The following DPP10 variants were observed in gnomAD, a reference collection of about 807,000 sequenced individuals.
DPP10 encodes dipeptidyl peptidase like 10.
A neutral mutation model predicts 120.9 loss-of-function variants in DPP10; 33 were observed. That is an observed-to-expected ratio of 0.27 (90% CI 0.21 to 0.37). The LOEUF (loss-of-function observed/expected upper bound fraction) is 0.37. DPP10 is among the 10% of genes least tolerant of loss of function. The probability of loss-of-function intolerance (pLI) is 1.00; values close to 1 mark genes in which losing one functional copy is unlikely to be tolerated. For synonymous variants in DPP10, 337 were observed against 326.1 expected (o/e 1.03, Z -0.36); for missense variants, 816 against 942.8 (o/e 0.87, Z 1.76).
chr2:115,082,797 C>G (rs1013463791), intron 1 of DPP10, among the ~76,000 whole-genome samples: 3 of 152,150 alleles, frequency 2.0e-5, no homozygotes, highest in African/African-American at 7.2e-5. Context: ...AGACTAGAAC[C>G]ACTCAGTGAA....
At chr2:115,409,653 A>G (rs2068791782) in intron 3 of DPP10, among the ~76,000 whole-genome samples, 1 of 152,194 alleles carries the variant, frequency 6.6e-6, no homozygotes, top group East Asian at 1.9e-4. Flanking sequence ...CAGCAATCCC[A>G]CTATTGCATA....
At chr2:114,583,977 A>G (rs867144747) in intron 1 of DPP10, among the ~76,000 whole-genome samples, 17 of 152,220 alleles carry the variant, frequency 1.1e-4, no homozygotes, top group African/African-American at 4.1e-4. Flanking sequence ...GAGTGAACAC[A>G]CACATGTATG....
chr2:115,624,911 G>A (rs2085240603), intron 5 of DPP10, among the ~76,000 whole-genome samples: 1 of 152,034 alleles, frequency 6.6e-6, no homozygotes, highest in African/African-American at 2.4e-5. Context: ...GAAAAAAGTG[G>A]AACAGTTAGA....
At chr2:114,534,278 C>G (rs1010846088) in intron 1 of DPP10, among the ~76,000 whole-genome samples, 2 of 151,976 alleles carry the variant, frequency 1.3e-5, no homozygotes, top group African/African-American at 4.8e-5. Context: ...TCTATTTTCT[C>G]CTAGTTCCTC....
chr2:114,739,888 C>A (rs1221134398), intron 1 of DPP10, among the ~76,000 whole-genome samples: 2 of 152,034 alleles, frequency 1.3e-5, no homozygotes, highest in Non-Finnish European at 2.9e-5. Flanking sequence ...CAAAGTGGCT[C>A]AAAAGTGTAA....
At position 114,561,053 on chromosome 2, in the gene DPP10, C is replaced by A. The variant is rs546328779; in HGVS notation, c.60+118215C>A. On this transcript the variant is annotated intron_variant, in intron 1 of 25. Coordinates refer to ENST00000410059, the MANE Select transcript of DPP10 (RefSeq NM_020868.6). ...AGCTCTGAGGAGAGCCACAGCACCC[C>A]CTTTCTCCTGCCTGGGTGTCTCCTG... Among the ~76,000 whole-genome samples, 13 of 152,276 alleles carry A rather than the reference C, an allele frequency of 8.5e-5. No individual in the cohort carries two copies. The South Asian group carries it at 2.5e-3, about 29-fold the overall frequency.
chr2:114,640,248 G>A (rs182290607), intron 1 of DPP10, among the ~76,000 whole-genome samples: 15 of 152,010 alleles, frequency 9.9e-5, no homozygotes, highest in Admixed American at 5.9e-4. Context: ...TTGCTGAAGC[G>A]TGCTTGGCTG....
chr2:115,136,443 A>T (rs913727007), intron 1 of DPP10, among the ~76,000 whole-genome samples: 10 of 152,210 alleles, frequency 6.6e-5, no homozygotes, highest in African/African-American at 2.4e-4. Context: ...TCAACTGGTC[A>T]GATGTGGCTA....
chr2:115,684,446 A>G (rs2090857704), intron 5 of DPP10, among the ~76,000 whole-genome samples: 1 of 151,672 alleles, frequency 6.6e-6, no homozygotes, highest in African/African-American at 2.4e-5. Context: ...AACCAATCCC[A>G]TTTTGCCTGT....
chr2:115,492,303 A>G (rs1271415376), intron 3 of DPP10, among the ~76,000 whole-genome samples: 1 of 152,192 alleles, frequency 6.6e-6, no homozygotes, highest in East Asian at 1.9e-4. Context: ...TTGTCACAGA[A>G]AGTGAGCAGC....
chr2:115,374,468 C>T (rs749750364), intron 3 of DPP10, among the ~76,000 whole-genome samples: 3 of 152,254 alleles, frequency 2.0e-5, no homozygotes, highest in East Asian at 1.9e-4. Flanking sequence ...GTGCATGGTG[C>T]GTGCTGTTGG....
intron 8 of DPP10, among the ~76,000 whole-genome samples, chr2:115,735,525 AT>A (rs1029018823): frequency 8.0e-4 from 114 of 142,000 alleles, no homozygotes; most frequent in African/African-American, 1.2e-3. Context: ...ATCCTTTTCT[AT>A]TTTTTTTTTT....
chr2:115,209,794 G>C (rs997620718), intron 1 of DPP10, among the ~76,000 whole-genome samples: 1 of 152,060 alleles, frequency 6.6e-6, no homozygotes, highest in African/African-American at 2.4e-5. Flanking sequence ...ATCAGCTCTG[G>C]CAGAGACAAG....
chr2:115,808,921 A>C (rs1450498147), intron 19 of DPP10, among the ~76,000 whole-genome samples: 1 of 152,214 alleles, frequency 6.6e-6, no homozygotes, highest in East Asian at 1.9e-4. Context: ...TGGTAGCGGC[A>C]TGAACAACCT....
chr2:115,094,626 T>G (rs977071465), intron 1 of DPP10, among the ~76,000 whole-genome samples: 1 of 152,176 alleles, frequency 6.6e-6, no homozygotes, highest in African/African-American at 2.4e-5. Flanking sequence ...TTTGAAACAG[T>G]AGCTCCATGA....
rs376594952 is a variant in DPP10 at position 115,107,150 on chromosome 2, C to T, written c.61-202089C>T. On this transcript the variant is annotated intron_variant, in intron 1 of 25. Transcript: ENST00000410059. ...TAATGATGATCATCATAACTTCAACCACGGTATTTTTAAAAGAGATATTTA... is the reference window on the plus strand; with the variant it reads ...TAATGATGATCATCATAACTTCAACTACGGTATTTTTAAAAGAGATATTTA... Among the ~76,000 whole-genome samples the T allele has an allele frequency of 2.6e-5, 4 of 151,556 alleles. No homozygotes were observed. The East Asian group carries it at 7.8e-4, about 29-fold the overall frequency.
intron 1 of DPP10, among the ~76,000 whole-genome samples, chr2:114,759,927 AT>A (rs948018369): frequency 3.2e-4 from 49 of 152,146 alleles, no homozygotes; most frequent in African/African-American, 1.2e-3. Flanking sequence ...AATAAACAGA[AT>A]TTGGAATCAG....
chr2:114,953,191 G>C (rs887312408), intron 1 of DPP10, among the ~76,000 whole-genome samples: 1 of 152,092 alleles, frequency 6.6e-6, no homozygotes, highest in African/African-American at 2.4e-5. Flanking sequence ...TCAGAGAACT[G>C]AAGGGCATCT....
chr2:115,296,868 TCTATA>T (rs1372391303), intron 1 of DPP10, among the ~76,000 whole-genome samples: 6 of 151,988 alleles, frequency 3.9e-5, no homozygotes, highest in Admixed American at 1.3e-4. Flanking sequence ...ATAGGCTGAC[TCTATA>T]CTAAGACTTC....
Sources: gnomAD v4.1 joint callset for allele counts (sites outside exome capture counted in the v4.1 genomes callset) on GRCh38, gnomAD v4.1.1 for gene constraint, MANE v1.5 for transcripts, NCBI Gene and HGNC (gene_info 2026-07-23, HGNC 2026-07-21) for gene names.